Variants in MAGI2 observed in about 807,000 individuals in gnomAD.
MAGI2 encodes membrane-associated guanylate kinase, WW and PDZ domain-containing protein 2.
MAGI2 carries 35 observed loss-of-function variants against 133.3 expected under a neutral mutation model. The observed-to-expected ratio is 0.26, with a 90% CI of 0.20 to 0.35. MAGI2 has a LOEUF of 0.35. MAGI2 is among the 10% of genes least tolerant of loss of function. The pLI is 1.00. For synonymous variants in MAGI2, 729 were observed against 710.6 expected (o/e 1.03, Z -0.41); for missense variants, 1,636 against 1,863.4 (o/e 0.88, Z 2.25).
chr7:78,482,064 TA>T (rs575348059), intron 6 of MAGI2, among the ~76,000 whole-genome samples: 466 of 151,984 alleles, frequency 3.1e-3, no homozygotes, highest in Non-Finnish European at 5.0e-3. Flanking sequence ...AAACTGAGTT[TA>T]AAAAGCAAAC....
rs1184824177 is a variant in MAGI2 at position 79,304,203 on chromosome 7, C to CTG, written c.301+148815_301+148816dup. Among the ~76,000 whole-genome samples, 706 of 135,452 alleles carry CTG rather than the reference C, an allele frequency of 5.2e-3. 9 individuals carry two copies. The highest frequency in any genetic ancestry group is 0.015 in the African/African-American group (544 of 35,744). 88.9% of individuals were successfully genotyped at this position (135,452 alleles called of 152,430 possible). ...GGGATGTGTGTGTGTGTGTGTGTGT[C>CTG]TGTGTGTGTGTGTGTGTGTGTGTGT... On this transcript the variant is annotated intron_variant, in intron 1 of 21. Transcript: ENST00000354212.
At chr7:78,550,374 C>T (rs1409879076) in intron 3 of MAGI2, among the ~76,000 whole-genome samples, 1 of 152,198 alleles carries the variant, frequency 6.6e-6, no homozygotes, top group Middle Eastern at 3.4e-3. Context: ...GGCAAAAGGG[C>T]GCCAGTACAT....
At chr7:78,518,392 T>C (rs1271765997) in intron 4 of MAGI2, 1 of 152,124 alleles carries the variant, frequency 6.6e-6, no homozygotes, top group Non-Finnish European at 1.5e-5. Flanking sequence ...ACATATGAAC[T>C]CCAGTTACTA....
At chr7:79,383,994 A>G (rs1334918357) in intron 1 of MAGI2, among the ~76,000 whole-genome samples, 1 of 151,634 alleles carries the variant, frequency 6.6e-6, no homozygotes, top group Non-Finnish European at 1.5e-5. Context: ...ACTGTATATC[A>G]GTACATAAGT....
chr7:79,228,368 A>AAAAAAAAAAAAAAAAAAAAAAAAAAAAAG (rs1831057084), intron 1 of MAGI2, among the ~76,000 whole-genome samples: 1 of 148,358 alleles, frequency 6.7e-6, no homozygotes, highest in African/African-American at 2.5e-5. Flanking sequence ...AAAAAAAAAA[A>AAAAAAAAAAAAAAAAAAAAAAAAAAAAAG]AAGATCGTGG....
At chr7:79,000,677 C>G (rs1257695885) in intron 2 of MAGI2, among the ~76,000 whole-genome samples, 1 of 152,032 alleles carries the variant, frequency 6.6e-6, no homozygotes, top group Non-Finnish European at 1.5e-5. Flanking sequence ...TTTGAAGAGC[C>G]TGCTTTTCTG....
intron 3 of MAGI2, among the ~76,000 whole-genome samples, chr7:78,551,981 G>A (rs979265536): frequency 1.3e-5 from 2 of 152,170 alleles, no homozygotes; most frequent in African/African-American, 4.8e-5. Flanking sequence ...TTGAGCTCAA[G>A]CAACTTGCCT....
chr7:78,816,771 GACAATGC>G (rs1316918413), intron 2 of MAGI2, among the ~76,000 whole-genome samples: 2 of 152,080 alleles, frequency 1.3e-5, no homozygotes, highest in Non-Finnish European at 2.9e-5. Context: ...ACTGCTCATT[GACAATGC>G]ACTTGGTCAC....
rs545048611 is a variant in MAGI2 at position 78,552,143 on chromosome 7, T to C, written c.539-30498A>G. On this transcript the variant is annotated intron_variant, in intron 3 of 21. Transcript: ENST00000354212. ...AAAACAAACATAAGGTATTTTTAAATAACCATAGACTTTTAGGTAGACATT... is the reference window on the plus strand; with the variant it reads ...AAAACAAACATAAGGTATTTTTAAACAACCATAGACTTTTAGGTAGACATT... 2.7e-5 allele frequency among the ~76,000 whole-genome samples: 4 copies of C among 149,412 alleles called. No homozygotes were observed. The South Asian group carries it at 6.4e-4, about 24-fold the overall frequency.
chr7:78,974,806 A>G (rs1302462711), intron 2 of MAGI2, among the ~76,000 whole-genome samples: 1 of 151,792 alleles, frequency 6.6e-6, no homozygotes, highest in South Asian at 2.1e-4. Flanking sequence ...TAAAAATATA[A>G]ATCAAGTAAG....
chr7:78,452,870 G>T (rs970745656), intron 6 of MAGI2, among the ~76,000 whole-genome samples: 2 of 151,704 alleles, frequency 1.3e-5, no homozygotes, highest in African/African-American at 4.8e-5. Flanking sequence ...GTATTTATTA[G>T]CATATTTTTA....
intron 21 of MAGI2, among the ~76,000 whole-genome samples, chr7:78,061,190 T>C (rs1813213157): frequency 6.6e-6 from 1 of 151,108 alleles, no homozygotes; most frequent in Non-Finnish European, 1.5e-5. Context: ...TTTCTTTTTT[T>C]TTTTAGATGG....
intron 7 of MAGI2, among the ~76,000 whole-genome samples, chr7:78,353,720 G>C (rs942013114): frequency 6.6e-6 from 1 of 152,174 alleles, no homozygotes; most frequent in Admixed American, 6.5e-5. Context: ...ATTTTAGGAA[G>C]AGAGTAGTAG....
intron 6 of MAGI2, among the ~76,000 whole-genome samples, chr7:78,405,566 A>AT (rs1306208665): frequency 2.4e-4 from 37 of 152,116 alleles, no homozygotes; most frequent in African/African-American, 8.7e-4. Flanking sequence ...CAGTTACGAA[A>AT]TACTAGAGAT....
At chr7:78,127,619 T>A (rs1821125224) in intron 18 of MAGI2, among the ~76,000 whole-genome samples, 1 of 152,186 alleles carries the variant, frequency 6.6e-6, no homozygotes, top group Non-Finnish European at 1.5e-5. Flanking sequence ...TGCTTTTTAT[T>A]TGGCTCCTTA....
At chr7:79,129,907 C>T (rs2129545274) in intron 1 of MAGI2, among the ~76,000 whole-genome samples, 1 of 152,238 alleles carries the variant, frequency 6.6e-6, no homozygotes, top group Non-Finnish European at 1.5e-5. Flanking sequence ...GGCTAGTTTG[C>T]CAAATTAGCT....
intron 9 of MAGI2, among the ~76,000 whole-genome samples, chr7:78,266,270 G>A (rs377080754): frequency 1.1e-4 from 16 of 151,930 alleles, no homozygotes; most frequent in East Asian, 5.9e-4. Flanking sequence ...GCACTATCCC[G>A]GCTCACTGCA....
At position 78,259,202 on chromosome 7, in the gene MAGI2, T is replaced by G. The variant is rs191619681; in HGVS notation, c.1409-2621A>C. Among the ~76,000 whole-genome samples, 5 of 152,304 alleles carry G rather than the reference T, an allele frequency of 3.3e-5. No homozygotes were observed. In the East Asian group the frequency reaches 7.7e-4, roughly 24 times the overall value. On this transcript the variant is annotated intron_variant, in intron 9 of 21. Coordinates refer to ENST00000354212, the MANE Select transcript of MAGI2 (RefSeq NM_012301.4). Reference sequence around the variant, plus strand: ...CCTCAATTTCCTATTCAGTGAGTTTTTTTTAACTCATTGACTATTTTTTAT... The same window carrying G: ...CCTCAATTTCCTATTCAGTGAGTTTGTTTTAACTCATTGACTATTTTTTAT...
At chr7:78,904,525 C>CTTT (rs10665131) in intron 2 of MAGI2, among the ~76,000 whole-genome samples, 2,880 of 134,764 alleles carry the variant, frequency 0.021, 109 homozygotes, top group African/African-American at 0.055. Flanking sequence ...TAACGCAGTT[C>CTTT]TTTTTTTTTT....
Sources: gnomAD v4.1 joint callset for allele counts (sites outside exome capture counted in the v4.1 genomes callset) on GRCh38, gnomAD v4.1.1 for gene constraint, MANE v1.5 for transcripts, NCBI Gene and HGNC (gene_info 2026-07-23, HGNC 2026-07-21) for gene names.